BICC1: variants seen among roughly 807,000 people sequenced by gnomAD.
BICC1 encodes protein bicaudal C homolog 1.
Under a neutral mutation model 111.0 loss-of-function variants are expected in BICC1, and 43 were observed. The ratio of observed to expected loss-of-function variants is 0.39; its 90% confidence interval spans 0.30 to 0.50. The LOEUF is 0.50. Ranked by LOEUF, BICC1 falls within the 20% of genes least tolerant of loss-of-function variation. The pLI, the probability that BICC1 is intolerant of heterozygous loss-of-function variation, is 0.88. For missense variants in BICC1, 1,091 were observed against 1,203.2 expected (o/e 0.91, Z 1.38); for synonymous variants, 467 against 434.4 (o/e 1.07, Z -0.93).
At chr10:58,633,479 G>A (rs556198791) in intron 2 of BICC1, among the ~76,000 whole-genome samples, 5 of 152,314 alleles carry the variant, frequency 3.3e-5, no homozygotes, top group African/African-American at 9.6e-5. Context: ...CTTCCTAAAT[G>A]ATAAATGCAT....
chr10:58,688,812 A>G (rs535213283), intron 2 of BICC1, among the ~76,000 whole-genome samples: 50 of 152,240 alleles, frequency 3.3e-4, no homozygotes, highest in Non-Finnish European at 6.5e-4. Context: ...TCTCACTCAT[A>G]AGTGGGAGCT....
chr10:58,622,645 C>T (rs11006208), intron 2 of BICC1, among the ~76,000 whole-genome samples: 53,762 of 151,984 alleles, frequency 0.35, 10,369 homozygotes, highest in East Asian at 0.47. Context: ...GATAGGTGTC[C>T]GTATAGGATT....
chr10:58,703,598 A>C (rs1840304456), intron 3 of BICC1, among the ~76,000 whole-genome samples: 1 of 152,184 alleles, frequency 6.6e-6, no homozygotes, highest in Admixed American at 6.5e-5. Flanking sequence ...AGTGGTGTAG[A>C]ATATATTCTT....
intron 5 of BICC1, 146 bp from the exon 6 acceptor site, chr10:58,788,224 G>A: frequency 3.4e-6 from 2 of 585,772 alleles, no homozygotes. Flanking sequence ...GGGGGCCTGA[G>A]ATCCTTTATT....
chr10:58,628,655 G>A (rs1462259693), intron 2 of BICC1, among the ~76,000 whole-genome samples: 1 of 152,168 alleles, frequency 6.6e-6, no homozygotes, highest in Non-Finnish European at 1.5e-5. Flanking sequence ...TCTGGGTATA[G>A]TGTTTTGGAT....
At chr10:58,751,804 G>T (rs1458458689) in intron 3 of BICC1, among the ~76,000 whole-genome samples, 2 of 152,124 alleles carry the variant, frequency 1.3e-5, no homozygotes, top group East Asian at 1.9e-4. Context: ...AGTGCCTGAA[G>T]CATATATCCA....
At position 58,694,492 on chromosome 10, in the gene BICC1, G is replaced by A. The variant is rs149146398; in HGVS notation, c.238-7582G>A. On this transcript the variant is annotated intron_variant, in intron 2 of 20. Transcript: ENST00000373886. ...CATGGTAATGGAAATGTAAACTTGT[G>A]TTGTTGAGGGATTGGTGGGTTTTCA... Among the ~76,000 whole-genome samples the A allele has an allele frequency of 3.3e-3, 503 of 152,302 alleles. 14 individuals carry two copies. The highest frequency in any genetic ancestry group is 1.1e-3 in the Non-Finnish European group (76 of 68,024).
intron 2 of BICC1, among the ~76,000 whole-genome samples, chr10:58,637,794 G>T (rs1268980673): frequency 6.6e-6 from 1 of 152,182 alleles, no homozygotes; most frequent in African/African-American, 2.4e-5. Context: ...GAGGTAGTTT[G>T]TTGAGGATCA....
At chr10:58,780,506 A>G (rs1159252190) in intron 3 of BICC1, among the ~76,000 whole-genome samples, 1 of 152,182 alleles carries the variant, frequency 6.6e-6, no homozygotes, top group Non-Finnish European at 1.5e-5. Flanking sequence ...TTGATGAAAG[A>G]TTGGCCTAAA....
intron 1 of BICC1, among the ~76,000 whole-genome samples, chr10:58,590,777 A>G (rs1054665032): frequency 3.9e-5 from 6 of 152,196 alleles, no homozygotes; most frequent in African/African-American, 1.4e-4. Flanking sequence ...TTTTATAGGT[A>G]TTTTAGATTA....
intron 3 of BICC1, among the ~76,000 whole-genome samples, chr10:58,758,236 T>C (rs928460444): frequency 5.3e-5 from 8 of 152,202 alleles, no homozygotes; most frequent in Non-Finnish European, 1.0e-4. Flanking sequence ...AATCCATTCA[T>C]AAGTTTGCGG....
chr10:58,786,652 G>C (rs910529216), intron 4 of BICC1, among the ~76,000 whole-genome samples: 1 of 152,064 alleles, frequency 6.6e-6, no homozygotes, highest in East Asian at 1.9e-4. Flanking sequence ...AGCTGACTTT[G>C]TTTAAAGACT....
intron 2 of BICC1, among the ~76,000 whole-genome samples, chr10:58,639,150 G>A (rs1273514677): frequency 6.6e-6 from 1 of 152,020 alleles, no homozygotes; most frequent in Non-Finnish European, 1.5e-5. Context: ...TAGTCACCAT[G>A]TTGTATAATA....
At position 58,538,891 on chromosome 10, in the gene BICC1, C is replaced by A. The variant is rs892751608; in HGVS notation, c.190+25558C>A. ...AAACGCAACAAGATACTACTGTACC[C>A]CAGCCAGAATGACCATTATTAAAAA... On this transcript the variant is annotated intron_variant, in intron 1 of 20. Coordinates refer to ENST00000373886, the MANE Select transcript of BICC1 (RefSeq NM_001080512.3). 2.6e-5 allele frequency among the ~76,000 whole-genome samples: 4 copies of A among 151,660 alleles called. No individual in the cohort carries two copies. In the East Asian group the frequency reaches 7.7e-4, roughly 29 times the overall value.
intron 1 of BICC1, among the ~76,000 whole-genome samples, chr10:58,577,507 G>C (rs185987066): frequency 6.8e-4 from 103 of 152,276 alleles, no homozygotes; most frequent in Admixed American, 1.3e-3. Flanking sequence ...GGAAGACAGT[G>C]AAGTATCTGT....
chr10:58,738,421 G>T lies in BICC1; in HGVS notation c.307+36278G>T, dbSNP rs11006241. Among the ~76,000 whole-genome samples, 671 of 152,120 alleles carry T rather than the reference G, an allele frequency of 4.4e-3. 28 individuals are homozygous for T. In the East Asian group the frequency reaches 0.089, roughly 20 times the overall value. ...GTAGATATGCGGCATTGTTTCTGAGGGCTCTGTTCTGTTCCATTGGTCTAT... is the reference window on the plus strand; with the variant it reads ...GTAGATATGCGGCATTGTTTCTGAGTGCTCTGTTCTGTTCCATTGGTCTAT... On this transcript the variant is annotated intron_variant, in intron 3 of 20. Coordinates refer to ENST00000373886, the MANE Select transcript of BICC1 (RefSeq NM_001080512.3).
intron 1 of BICC1, among the ~76,000 whole-genome samples, chr10:58,595,831 A>G (rs1355133224): frequency 6.6e-6 from 1 of 152,202 alleles, no homozygotes; most frequent in African/African-American, 2.4e-5. Flanking sequence ...AACAAATTCA[A>G]AATTTAGCAG....
At chr10:58,512,294 C>T (rs1404233115), upstream of BICC1, among the ~76,000 whole-genome samples, 2 of 152,120 alleles carry the variant, frequency 1.3e-5, no homozygotes, top group Non-Finnish European at 2.9e-5. Context: ...GAACTACATG[C>T]GAGCCACGTC....
At chr10:58,555,945 G>A (rs1201367625) in intron 1 of BICC1, among the ~76,000 whole-genome samples, 2 of 152,062 alleles carry the variant, frequency 1.3e-5, no homozygotes, top group East Asian at 3.8e-4. Context: ...GTGTTTGAAT[G>A]GGAAGTAATG....
Sources: gnomAD v4.1 joint callset for allele counts (sites outside exome capture counted in the v4.1 genomes callset) on GRCh38, gnomAD v4.1.1 for gene constraint, MANE v1.5 for transcripts, NCBI Gene and HGNC (gene_info 2026-07-23, HGNC 2026-07-21) for gene names.